The following MIDEAS variants were observed in gnomAD, a reference collection of about 807,000 sequenced individuals.
MIDEAS encodes mitotic deacetylase-associated SANT domain protein.
MIDEAS carries 26 observed loss-of-function variants against 102.7 expected under a neutral mutation model. That is an observed-to-expected ratio of 0.25 (90% CI 0.19 to 0.35). The LOEUF is 0.35. MIDEAS is among the 10% of genes least tolerant of loss of function. MIDEAS has a pLI of 1.00. For missense variants in MIDEAS, 1,231 were observed against 1,435.6 expected, an observed-to-expected ratio of 0.86 and a Z score of 2.30; for synonymous variants, 585 against 591.0, an observed-to-expected ratio of 0.99 and a Z score of 0.15.
intron 1 of MIDEAS, among the ~76,000 whole-genome samples, chr14:73,775,855 G>A (rs2053684045): frequency 6.6e-6 from 1 of 151,916 alleles, no homozygotes; most frequent in South Asian, 2.1e-4. Flanking sequence ...AGGAAACTGG[G>A]CAGGATGTGA....
intron 4 of MIDEAS, 51 bp downstream of exon 4, chr14:73,729,588 GC>G: frequency 6.8e-7 from 1 of 1,464,592 alleles, no homozygotes; most frequent in Admixed American, 1.8e-5. Flanking sequence ...ATGCCTCCCT[GC>G]CCAGTGCCCC....
intron 1 of MIDEAS, among the ~76,000 whole-genome samples, chr14:73,757,648 T>C (rs954370632): frequency 3.3e-5 from 5 of 152,164 alleles, no homozygotes; most frequent in African/African-American, 1.2e-4. Flanking sequence ...GAGACCCAAA[T>C]GCAAGAGAGG....
Position 73,731,730 on chromosome 14 carries a change from T to C in MIDEAS, c.1750-1745A>G, listed in dbSNP as rs115315285. On this transcript the variant is annotated intron_variant, in intron 3 of 12. Coordinates refer to ENST00000423556, the MANE Select transcript of MIDEAS (RefSeq NM_001367710.1). ...GATGGAATGACACGATGTCTCAGGA[T>C]GTGCTTCAAAATAACCCAGTGGCAT... Among the ~76,000 whole-genome samples, 813 of 152,310 alleles carry C rather than the reference T, an allele frequency of 5.3e-3. 4 individuals carry two copies. Among genetic ancestry groups the C allele is most frequent in the African/African-American group, 0.019 (783 of 41,560 alleles).
rs191102303 is a variant in MIDEAS at position 73,766,309 on chromosome 14, G to C, written c.-248+20793C>G. On this transcript the variant is annotated intron_variant, in intron 1 of 11. Transcript: ENST00000394071. Reference sequence around the variant, plus strand: ...CCTTAGTATCCCTGGTAGCTATACAGTGCCTGCACATGGTGGGTGCTCAGT... The same window carrying C: ...CCTTAGTATCCCTGGTAGCTATACACTGCCTGCACATGGTGGGTGCTCAGT... Among the ~76,000 whole-genome samples, 132 of 152,374 alleles carry C rather than the reference G, an allele frequency of 8.7e-4. 2 individuals are homozygous for C. Among genetic ancestry groups the C allele is most frequent in the Middle Eastern group, 6.8e-3 (2 of 294 alleles).
In MIDEAS at chr14:73,738,816, A is replaced by G. The variant is rs1176201762; in HGVS notation, c.1193T>C (p.Leu398Pro). ...CTCCCTCAGCTCCAGCGGGAATCCCAGAGCTTCAGGATGGGGCTGCCCCAG... is the reference window on the plus strand; with the variant it reads ...CTCCCTCAGCTCCAGCGGGAATCCCGGAGCTTCAGGATGGGGCTGCCCCAG... Reference protein sequence around the residue: ...GSLGQPHPEALGFPLELRESQ... With the variant: ...GSLGQPHPEAPGFPLELRESQ... Residue 398 changes from leucine to proline, a missense_variant, in exon 2 of 13, where the codon CTG (leucine) becomes CCG (proline). Physicochemically the swap from Leu to Pro is moderately conservative, Grantham distance 98 (BLOSUM62 -3). Transcript: ENST00000423556. The G allele has an allele frequency of 6.4e-7, 1 of 1,574,232 alleles. No individual in the cohort carries two copies. Among genetic ancestry groups the G allele is most frequent in the South Asian group, 1.2e-5 (1 of 85,496 alleles).
In MIDEAS at chr14:73,717,499, G is replaced by A. The variant is rs1245708575; in HGVS notation, c.*1344C>T. ...AGCAAGAACTGCCTTAATCTCCCTT[G>A]CTCTGTGTGGGTCTGGTGACACCCT... On this transcript the variant is annotated 3_prime_UTR_variant, in exon 13 of 13. Transcript: ENST00000423556. 6.6e-6 allele frequency: 1 copy of A among 152,460 alleles called. No homozygotes were observed. Among genetic ancestry groups the A allele is most frequent in the Non-Finnish European group, 1.5e-5 (1 of 68,062 alleles). 9.4% of individuals were successfully genotyped at this position (152,460 alleles called of 1,614,324 possible).
intron 4 of MIDEAS, chr14:73,728,028 T>G (rs2053087527): frequency 6.5e-6 from 1 of 152,770 alleles, no homozygotes; most frequent in African/African-American, 2.4e-5. Context: ...TAGTTTTTTT[T>G]TTGTTTTTGT....
intron 4 of MIDEAS, 126 bp from the exon 5 acceptor site, chr14:73,727,650 G>A: frequency 1.2e-6 from 1 of 866,480 alleles, no homozygotes; most frequent in Non-Finnish European, 1.7e-6. Flanking sequence ...AGGGAACACA[G>A]GCACCTGAGT....
intron 1 of MIDEAS, among the ~76,000 whole-genome samples, chr14:73,769,055 C>T (rs1255290748): frequency 6.6e-6 from 1 of 152,224 alleles, no homozygotes; most frequent in Non-Finnish European, 1.5e-5. Flanking sequence ...AACTCCTGGG[C>T]CAGATGCATT....
At chr14:73,738,059 T>C (rs1187790659) in intron 2 of MIDEAS, among the ~76,000 whole-genome samples, 9 of 152,096 alleles carry the variant, frequency 5.9e-5, no homozygotes, top group African/African-American at 9.7e-5. Flanking sequence ...GCTGGGATTA[T>C]AGGCATAAGC....
chr14:73,732,177 G>A (rs185909619), intron 3 of MIDEAS, among the ~76,000 whole-genome samples: 179 of 151,566 alleles, frequency 1.2e-3, no homozygotes, highest in African/African-American at 4.1e-3. Context: ...CTCAACCAGA[G>A]AACAAGAACC....
chr14:73,730,268 TA>T, intron 3 of MIDEAS: 1 of 578,398 alleles, frequency 1.7e-6, no homozygotes, highest in Non-Finnish European at 3.2e-6. Flanking sequence ...TTTTTCTTTT[TA>T]AAACTAACTG....
At chr14:73,785,813 C>T (rs1331647063) in intron 1 of MIDEAS, among the ~76,000 whole-genome samples, 2 of 152,120 alleles carry the variant, frequency 1.3e-5, no homozygotes, top group Non-Finnish European at 2.9e-5. Flanking sequence ...CCTCCCGAGT[C>T]CACCCCACAT....
intron 1 of MIDEAS, among the ~76,000 whole-genome samples, chr14:73,757,265 C>G (rs114165892): frequency 0.085 from 5,334 of 62,446 alleles, 181 homozygotes; most frequent in African/African-American, 0.19. Context: ...GAGAAAGACC[C>G]TATCTCTAAC....
At chr14:73,747,576 GTC>G (rs1010020602) in intron 1 of MIDEAS, among the ~76,000 whole-genome samples, 1 of 151,962 alleles carries the variant, frequency 6.6e-6, no homozygotes, top group East Asian at 1.9e-4. Context: ...CCCAAACCAG[GTC>G]TCTCTCTGTC....
intron 7 of MIDEAS, 97 bp downstream of exon 7, chr14:73,726,507 A>C: frequency 8.3e-7 from 1 of 1,205,314 alleles, no homozygotes; most frequent in Non-Finnish European, 1.2e-6. Context: ...ACTGGCCTCA[A>C]ATGTGCATGC....
At chr14:73,736,090 G>A (rs574292512) in intron 3 of MIDEAS, among the ~76,000 whole-genome samples, 1 of 152,268 alleles carries the variant, frequency 6.6e-6, no homozygotes, top group East Asian at 1.9e-4. Context: ...CCAGGAGGTT[G>A]CAGTGAGCTG....
rs200154652 is a variant in MIDEAS at position 73,721,325 on chromosome 14, G to A, written c.2909C>T (p.Ala970Val). The change falls in exon 11 of 13, where the codon GCC (alanine) becomes GTC (valine). Residue 970 changes from alanine (A) to valine (V), a missense_variant. By Grantham distance (64) the Ala-to-Val change is moderately conservative (BLOSUM62 0). Transcript: ENST00000423556. ...CTCATTGGCCTGTAGTGTCTGCGTG[G>A]CTTTGACTGCCGCTGCCCGCCTGCT... is the stretch of plus-strand genomic sequence containing the variant. ...ERSRRAAAVKATQTLQANESA... is the reference protein window; with the variant it reads ...ERSRRAAAVKVTQTLQANESA... 1.4e-4 allele frequency: 222 copies of A among 1,613,486 alleles called. No individual in the cohort carries two copies. Among genetic ancestry groups the A allele is most frequent in the Non-Finnish European group, 1.8e-4 (217 of 1,180,032 alleles).
At chr14:73,775,930 T>C (rs1213618878) in intron 1 of MIDEAS, among the ~76,000 whole-genome samples, 1 of 151,906 alleles carries the variant, frequency 6.6e-6, no homozygotes, top group East Asian at 1.9e-4. Flanking sequence ...AGAAAGGAGA[T>C]AGGGTAGAAC....
Sources: allele counts gnomAD v4.1 joint callset (sites outside exome capture counted in the v4.1 genomes callset), GRCh38; gene constraint gnomAD v4.1.1; transcripts MANE v1.5; gene names NCBI Gene and HGNC (gene_info 2026-07-23, HGNC 2026-07-21).